RTL4: variants seen among roughly 807,000 people sequenced by gnomAD.
The protein encoded by RTL4 is retrotransposon Gag-like protein 4.
In RTL4, 4 loss-of-function variants were observed where a neutral mutation model predicts 5.3. The observed-to-expected ratio is 0.75, with a 90% confidence interval of 0.37 to 1.72. The LOEUF (loss-of-function observed/expected upper bound fraction) is 1.72. Among genes scored for constraint, RTL4 ranks in the 40% most tolerant of loss-of-function variants. The pLI is 0.04. For synonymous variants in RTL4, 98 were observed against 87.3 expected (o/e 1.12, Z -0.68); for missense variants, 260 against 227.1 (o/e 1.14, Z -0.93).
chrX:112,094,217 A>G, the RTL4 span, among the ~76,000 whole-genome samples: 1 of 111,846 alleles, frequency 8.9e-6, no homozygotes, highest in Non-Finnish European at 1.9e-5. Flanking sequence ...GAGATAATTA[A>G]GAAATACAAT....
At chrX:112,350,116 G>T in the RTL4 span, among the ~76,000 whole-genome samples, 1 of 111,662 alleles carries the variant, frequency 9.0e-6, no homozygotes, top group South Asian at 3.7e-4. Flanking sequence ...CATCTATTGA[G>T]ATAATCATGT....
At chrX:112,189,359 A>G in the RTL4 span, among the ~76,000 whole-genome samples, 1 of 112,252 alleles carries the variant, frequency 8.9e-6, no homozygotes, top group African/African-American at 3.2e-5. Context: ...CATTTATTTG[A>G]AAAACATAAA....
chrX:112,332,412 G>A, the RTL4 span, among the ~76,000 whole-genome samples: 1 of 110,455 alleles, frequency 9.1e-6, no homozygotes. Context: ...ATTCACAATA[G>A]CAAAGACCTG....
chrX:112,363,673 CTTTAA>C, the RTL4 span, among the ~76,000 whole-genome samples: 2 of 111,441 alleles, frequency 1.8e-5, no homozygotes. Flanking sequence ...GTGAAATGCC[CTTTAA>C]TTTAAGATGC....
chrX:112,266,615 C>G, the RTL4 span, among the ~76,000 whole-genome samples: 615 of 111,260 alleles, frequency 5.5e-3, 2 homozygotes, highest in African/African-American at 0.019. Context: ...CCAAAATGCT[C>G]CACATAACCA....
the RTL4 span, among the ~76,000 whole-genome samples, chrX:112,176,713 T>C: frequency 1.8e-5 from 2 of 112,048 alleles, no homozygotes; most frequent in African/African-American, 6.5e-5. Flanking sequence ...TTTTGAAATA[T>C]AAGATTAATT....
the RTL4 span, among the ~76,000 whole-genome samples, chrX:112,405,309 G>T: frequency 3.0e-4 from 33 of 111,776 alleles, no homozygotes; most frequent in African/African-American, 1.0e-3. Flanking sequence ...AATAGGCATA[G>T]ATCAGAAAAA....
At chrX:112,303,329 C>T in the RTL4 span, among the ~76,000 whole-genome samples, 2 of 109,636 alleles carry the variant, frequency 1.8e-5, no homozygotes, top group African/African-American at 6.6e-5. Context: ...TCCATAAGTC[C>T]TTCATGGATT....
the RTL4 span, among the ~76,000 whole-genome samples, chrX:112,434,096 G>T: frequency 9.7e-6 from 1 of 102,892 alleles, no homozygotes; most frequent in South Asian, 4.7e-4. Context: ...CTTGATCATG[G>T]TGGATAAGCT....
chrX:112,111,476 C>A, the RTL4 span, among the ~76,000 whole-genome samples: 1 of 112,980 alleles, frequency 8.9e-6, no homozygotes, highest in South Asian at 3.6e-4. Context: ...GATTTTTGCA[C>A]TGTGTGCAAT....
At chrX:112,206,063 T>A in the RTL4 span, among the ~76,000 whole-genome samples, 1 of 112,045 alleles carries the variant, frequency 8.9e-6, no homozygotes, top group Admixed American at 9.5e-5. Context: ...GCTCTTCTCT[T>A]AAGCTGGTAG....
At chrX:112,320,111 G>T in the RTL4 span, 2 of 111,725 alleles carry the variant, frequency 1.8e-5, no homozygotes, top group Non-Finnish European at 3.8e-5. Context: ...AGTATCAAAA[G>T]ATCTCTATAT....
At chrX:112,409,053 T>A in the RTL4 span, among the ~76,000 whole-genome samples, 2 of 112,599 alleles carry the variant, frequency 1.8e-5, no homozygotes, top group African/African-American at 3.2e-5. Flanking sequence ...AAGAAAAGGA[T>A]GATAATGAGC....
chrX:112,269,795 A>G, the RTL4 span, among the ~76,000 whole-genome samples: 1 of 111,665 alleles, frequency 9.0e-6, no homozygotes, highest in Non-Finnish European at 1.9e-5. Flanking sequence ...TCATTTTTCA[A>G]ATCAAGTGCA....
chrX:112,167,678 T>C, the RTL4 span, among the ~76,000 whole-genome samples: 1 of 110,592 alleles, frequency 9.0e-6, no homozygotes, highest in Non-Finnish European at 1.9e-5. Context: ...TGAGGTGTTT[T>C]TTTTTTTTCC....
the RTL4 span, among the ~76,000 whole-genome samples, chrX:112,094,900 T>C: frequency 9.0e-6 from 1 of 111,208 alleles, no homozygotes; most frequent in Non-Finnish European, 1.9e-5. Flanking sequence ...AGAAACAGTG[T>C]AAATAACTAG....
At chrX:112,334,386 G>A in the RTL4 span, among the ~76,000 whole-genome samples, 6 of 111,598 alleles carry the variant, frequency 5.4e-5, no homozygotes, top group East Asian at 5.6e-4. Context: ...ACTGTTATCC[G>A]TAGTGGTTGT....
the RTL4 span, among the ~76,000 whole-genome samples, chrX:112,228,202 A>AT: frequency 9.0e-6 from 1 of 110,630 alleles, no homozygotes; most frequent in Admixed American, 9.6e-5. Flanking sequence ...GATTTCAATA[A>AT]TAAAAAAAAA....
At chrX:112,176,264 A>T in the RTL4 span, among the ~76,000 whole-genome samples, 952 of 112,360 alleles carry the variant, frequency 8.5e-3, 7 homozygotes, top group African/African-American at 0.029. Flanking sequence ...GCTCATGGGT[A>T]GGAAGAATCA....
Sources: allele counts gnomAD v4.1 joint callset (sites outside exome capture counted in the v4.1 genomes callset), GRCh38; gene constraint gnomAD v4.1.1; transcripts MANE v1.5; gene names NCBI Gene and HGNC (gene_info 2026-07-23, HGNC 2026-07-21).